RBFOX3: variants seen among roughly 807,000 people sequenced by gnomAD.
The protein encoded by RBFOX3 is RNA binding fox-1 homolog 3.
In RBFOX3, 17 loss-of-function variants were observed where a neutral mutation model predicts 48.7. The observed-to-expected ratio is 0.35, with a 90% CI of 0.24 to 0.52. The LOEUF (loss-of-function observed/expected upper bound fraction) is 0.52. Among genes scored for constraint, RBFOX3 ranks in the 20% least tolerant of loss-of-function variants. The probability of loss-of-function intolerance (pLI) is 0.94; values close to 1 mark genes in which losing one functional copy is unlikely to be tolerated. For synonymous variants in RBFOX3, 212 were observed against 209.5 expected, an observed-to-expected ratio of 1.01 and a Z score of -0.10; for missense variants, 382 against 497.5, an observed-to-expected ratio of 0.77 and a Z score of 2.21.
rs2066736422 is a variant in RBFOX3, at chr17:79,423,147, C to A, written c.-175+59307G>T. Among the ~76,000 whole-genome samples, 1 of 152,168 alleles carries A rather than the reference C, an allele frequency of 6.6e-6. No homozygotes were observed. Among genetic ancestry groups the A allele is most frequent in the African/African-American group, 2.4e-5 (1 of 41,428 alleles). ...CTTGGGTCCAGTGGCCAACTAGTCA[C>A]CCCCACCAGAGTTTTCAAACGTGTC... is the stretch of plus-strand genomic sequence containing the variant. On this transcript the variant is annotated intron_variant, in intron 2 of 14. Coordinates refer to ENST00000693108, the MANE Select transcript of RBFOX3 (RefSeq NM_001350451.2). This position sits in a 1 kb window ranked among gnomAD's most constrained non-coding sequence, Gnocchi z 4.9.
At chr17:79,632,406 G>A in the RBFOX3 span, among the ~76,000 whole-genome samples, 6 of 152,050 alleles carry the variant, frequency 3.9e-5, no homozygotes, top group Admixed American at 1.3e-4. Context: ...TCTGCTCCAC[G>A]TTTCCAGAGG....
the RBFOX3 span, among the ~76,000 whole-genome samples, chr17:79,624,814 C>T: frequency 6.1e-4 from 79 of 129,118 alleles, no homozygotes; most frequent in African/African-American, 2.2e-3. Flanking sequence ...GGCACCCCCG[C>T]CCCCCACCCC....
intron 3 of RBFOX3, among the ~76,000 whole-genome samples, chr17:79,288,484 C>G (rs75905888): frequency 0.03 from 4,603 of 152,096 alleles, 109 homozygotes; most frequent in East Asian, 0.066. Flanking sequence ...GCAGCCCCCC[C>G]CAGCCCGGCT....
At chr17:79,129,520 T>C (rs866461222) in intron 4 of RBFOX3, among the ~76,000 whole-genome samples, 1 of 103,664 alleles carries the variant, frequency 9.6e-6, no homozygotes, top group African/African-American at 3.2e-5. Flanking sequence ...TTGTCCAGGC[T>C]TCCTGAGTTC....
At chr17:79,540,735 C>T (rs543442685) in intron 1 of RBFOX3, among the ~76,000 whole-genome samples, 2 of 152,364 alleles carry the variant, frequency 1.3e-5, no homozygotes, top group Admixed American at 1.3e-4. Context: ...TGCTCGACCT[C>T]CTGGAGCTTC....
At chr17:79,310,648 C>T (rs2076721522) in intron 2 of RBFOX3, among the ~76,000 whole-genome samples, 1 of 152,216 alleles carries the variant, frequency 6.6e-6, no homozygotes, top group Admixed American at 6.5e-5. Context: ...GACCTCCACC[C>T]TCCTCCCGCA....
At chr17:79,546,935 G>A (rs1292840022) in intron 1 of RBFOX3, among the ~76,000 whole-genome samples, 2 of 151,908 alleles carry the variant, frequency 1.3e-5, no homozygotes, top group Admixed American at 6.6e-5. Context: ...CTCCCAAAGT[G>A]CTGGGATTAC....
chr17:79,526,173 T>C (rs947662152), intron 1 of RBFOX3, among the ~76,000 whole-genome samples: 26,090 of 152,162 alleles, frequency 0.17, 5,738 homozygotes, highest in African/African-American at 0.52. Flanking sequence ...GCTAGCAAGT[T>C]GTGTGGCCCC....
At chr17:79,127,294 G>A (rs1176686368) in intron 4 of RBFOX3, among the ~76,000 whole-genome samples, 1 of 152,220 alleles carries the variant, frequency 6.6e-6, no homozygotes, top group Non-Finnish European at 1.5e-5. Context: ...GCCAGTTCAA[G>A]AGCAGAGTGG....
intron 4 of RBFOX3, among the ~76,000 whole-genome samples, chr17:79,172,481 C>T (rs1019846017): frequency 2.0e-5 from 3 of 152,196 alleles, no homozygotes; most frequent in South Asian, 2.1e-4. Flanking sequence ...ACCCTGTCCA[C>T]GTCCCCCTGG....
intron 4 of RBFOX3, among the ~76,000 whole-genome samples, chr17:79,136,630 G>A (rs936950726): frequency 6.6e-6 from 1 of 152,158 alleles, no homozygotes; most frequent in Non-Finnish European, 1.5e-5. Flanking sequence ...TCAGCCTGGC[G>A]TAGCACTGCC....
chr17:79,477,656 A>G lies in RBFOX3; in HGVS notation c.-175+4798T>C, dbSNP rs2078133428. On this transcript the variant is annotated intron_variant, in intron 2 of 14. Transcript: ENST00000693108. This position sits in a 1 kb window ranked among gnomAD's most constrained non-coding sequence, Gnocchi z 4.8. ...GTCTCATGTCCTCTTTCTCACAGGG[A>G]CATCCTCAGAGCTTGCTCTGGTGGT... Among the ~76,000 whole-genome samples the G allele has an allele frequency of 6.6e-6, 1 of 152,098 alleles. No homozygotes were observed. The highest frequency in any genetic ancestry group is 1.5e-5 in the Non-Finnish European group (1 of 68,020).
At chr17:79,168,573 G>A (rs1242561602) in intron 4 of RBFOX3, among the ~76,000 whole-genome samples, 1 of 152,230 alleles carries the variant, frequency 6.6e-6, no homozygotes, top group Non-Finnish European at 1.5e-5. Flanking sequence ...ACTGGTCCAT[G>A]AGGAAACTGA....
At chr17:79,377,006 C>T (rs62063972) in intron 2 of RBFOX3, among the ~76,000 whole-genome samples, 39,809 of 152,026 alleles carry the variant, frequency 0.26, 6,089 homozygotes, top group East Asian at 0.64. Flanking sequence ...CTCCAGCCTG[C>T]TTGCAGGTTG....
intron 3 of RBFOX3, among the ~76,000 whole-genome samples, chr17:79,282,786 G>T (rs9904792): frequency 0.38 from 58,454 of 152,156 alleles, 11,905 homozygotes; most frequent in African/African-American, 0.52. Flanking sequence ...TCAGTCCAAA[G>T]TGTGAGGGCA....
chr17:79,436,610 G>A (rs185273299), intron 2 of RBFOX3, among the ~76,000 whole-genome samples: 5 of 152,192 alleles, frequency 3.3e-5, no homozygotes, highest in South Asian at 2.1e-4. Flanking sequence ...GCAGCAGTAC[G>A]TGCCTGGGCC....
At chr17:79,474,453 G>C (rs925972053) in intron 2 of RBFOX3, among the ~76,000 whole-genome samples, 1 of 152,132 alleles carries the variant, frequency 6.6e-6, no homozygotes, top group Non-Finnish European at 1.5e-5. Context: ...TCCCTCAACG[G>C]ATGGTGACAA....
intron 1 of RBFOX3, among the ~76,000 whole-genome samples, chr17:79,581,637 C>T (rs960834552): frequency 2.0e-5 from 3 of 152,250 alleles, no homozygotes; most frequent in South Asian, 2.1e-4. Flanking sequence ...ATTTGATATG[C>T]GGGAGGTTTC....
At chr17:79,137,754 G>A (rs2040587859) in intron 4 of RBFOX3, among the ~76,000 whole-genome samples, 1 of 152,052 alleles carries the variant, frequency 6.6e-6, no homozygotes. Context: ...CTGATTAAAT[G>A]TCCCTCATTA....
Sources: gnomAD v4.1 joint callset for allele counts (sites outside exome capture counted in the v4.1 genomes callset) on GRCh38, gnomAD v4.1.1 for gene constraint, Gnocchi (gnomAD v3.1) non-coding constraint, MANE v1.5 for transcripts, NCBI Gene and HGNC (gene_info 2026-07-23, HGNC 2026-07-21) for gene names.